Variants in TAFA1 observed in about 807,000 individuals in gnomAD.
TAFA1 encodes TAFA chemokine like family member 1.
In TAFA1, 4 loss-of-function variants were observed where a neutral mutation model predicts 18.5. The ratio of observed to expected loss-of-function variants is 0.22; its 90% CI spans 0.11 to 0.49. The LOEUF (loss-of-function observed/expected upper bound fraction) is 0.49. Ranked by LOEUF, TAFA1 falls within the 20% of genes least tolerant of loss-of-function variation. The pLI is 0.98. For synonymous variants in TAFA1, 56 were observed against 55.2 expected (o/e 1.01, Z -0.06); for missense variants, 147 against 169.0 (o/e 0.87, Z 0.72).
At chr3:68,346,718 C>T (rs901994513) in intron 2 of TAFA1, among the ~76,000 whole-genome samples, 3 of 152,208 alleles carry the variant, frequency 2.0e-5, no homozygotes, top group Admixed American at 2.0e-4. Context: ...ACTTCAGAGG[C>T]TTCAAGCGAC....
rs1324416122 is a variant in TAFA1, at chr3:68,544,973, G to T, written c.*470G>T. 6.6e-6 allele frequency: 1 copy of T among 152,334 alleles called. No individual in the cohort carries two copies. Among genetic ancestry groups the T allele is most frequent in the Non-Finnish European group, 1.5e-5 (1 of 68,024 alleles). The allele number at this position is 152,334 out of a possible 1,614,324, so 9.4% of individuals were successfully genotyped here. ...CTTTTTCTAACGGCAAGGAAGATAT[G>T]TGCCCTTTTGAGAATTCAAGATGGC... On this transcript the variant is annotated 3_prime_UTR_variant, in exon 5 of 5. Coordinates refer to ENST00000478136, the MANE Select transcript of TAFA1 (RefSeq NM_213609.4).
chr3:68,468,698 C>G (rs1185325408), intron 3 of TAFA1, among the ~76,000 whole-genome samples: 2 of 152,144 alleles, frequency 1.3e-5, no homozygotes, highest in African/African-American at 4.8e-5. Context: ...AGTATTTGTG[C>G]TCTCTGAGAC....
chr3:68,149,007 A>G (rs1364896847), intron 2 of TAFA1, among the ~76,000 whole-genome samples: 1 of 152,172 alleles, frequency 6.6e-6, no homozygotes, highest in Non-Finnish European at 1.5e-5. Context: ...TTTAGATACA[A>G]CTGCTGCTAT....
rs752828278 is a variant in TAFA1 at position 68,227,903 on chromosome 3, A to G, written c.119-189377A>G. Among the ~76,000 whole-genome samples, 33 of 152,324 alleles carry G rather than the reference A, an allele frequency of 2.2e-4. No homozygotes were observed. The South Asian group carries it at 2.3e-3, about 11-fold the overall frequency. On this transcript the variant is annotated intron_variant, in intron 2 of 4. Coordinates refer to ENST00000478136, the MANE Select transcript of TAFA1 (RefSeq NM_213609.4). ...TTATAAGTTAAAAGTGATTCCCCAGAAGGAAATCTTTTATCACTGGCCGTA... is the reference window on the plus strand; with the variant it reads ...TTATAAGTTAAAAGTGATTCCCCAGGAGGAAATCTTTTATCACTGGCCGTA...
chr3:68,140,208 G>A (rs891023632), intron 2 of TAFA1, among the ~76,000 whole-genome samples: 4 of 152,178 alleles, frequency 2.6e-5, no homozygotes, highest in African/African-American at 7.2e-5. Flanking sequence ...CAGCACTTGA[G>A]GTTGGTTATC....
chr3:68,067,295 C>G (rs80217270), intron 2 of TAFA1, among the ~76,000 whole-genome samples: 5 of 152,156 alleles, frequency 3.3e-5, no homozygotes, highest in Non-Finnish European at 5.9e-5. Flanking sequence ...TTAATCTTCT[C>G]CAGGTTAAAC....
At chr3:68,464,162 A>C (rs1403690248) in intron 3 of TAFA1, among the ~76,000 whole-genome samples, 1 of 152,142 alleles carries the variant, frequency 6.6e-6, no homozygotes, top group Admixed American at 6.6e-5. Context: ...CTGAGCACCT[A>C]CCATGTACCA....
At chr3:68,268,403 C>T (rs2067589196) in intron 2 of TAFA1, among the ~76,000 whole-genome samples, 1 of 152,080 alleles carries the variant, frequency 6.6e-6, no homozygotes, top group Non-Finnish European at 1.5e-5. Flanking sequence ...TGACTCAACT[C>T]ATTGTGGGTG....
intron 2 of TAFA1, among the ~76,000 whole-genome samples, chr3:68,378,222 C>T (rs1258568217): frequency 2.0e-5 from 3 of 152,134 alleles, no homozygotes; most frequent in African/African-American, 7.2e-5. Context: ...TGCAGGCACT[C>T]AATGCTAGCC....
At chr3:68,393,292 C>A (rs181693321) in intron 2 of TAFA1, among the ~76,000 whole-genome samples, 34 of 151,848 alleles carry the variant, frequency 2.2e-4, no homozygotes, top group African/African-American at 8.0e-4. Flanking sequence ...TACACCCTCC[C>A]AAGACTAAAT....
At chr3:68,475,407 G>GA in intron 3 of TAFA1, among the ~76,000 whole-genome samples, 1 of 151,768 alleles carries the variant, frequency 6.6e-6, no homozygotes, top group African/African-American at 2.4e-5. Context: ...AGAACATGTC[G>GA]TGTTTGGTTT....
chr3:68,027,585 A>G (rs1159819621), intron 2 of TAFA1, among the ~76,000 whole-genome samples: 3 of 152,192 alleles, frequency 2.0e-5, no homozygotes, highest in Non-Finnish European at 4.4e-5. Flanking sequence ...TGAATCTGCC[A>G]TCAGTGAAAA....
At chr3:68,072,623 G>A (rs748005301) in intron 2 of TAFA1, among the ~76,000 whole-genome samples, 9 of 152,174 alleles carry the variant, frequency 5.9e-5, no homozygotes, top group Non-Finnish European at 1.2e-4. Flanking sequence ...GGAGAGGTTA[G>A]GAAGAAGAGA....
intron 2 of TAFA1, among the ~76,000 whole-genome samples, chr3:68,156,954 C>T (rs1427245623): frequency 6.6e-6 from 1 of 152,128 alleles, no homozygotes; most frequent in Non-Finnish European, 1.5e-5. Context: ...TCGCCAATAA[C>T]CACTGTGCTT....
chr3:68,072,155 T>C (rs1559726036), intron 2 of TAFA1, among the ~76,000 whole-genome samples: 2 of 152,186 alleles, frequency 1.3e-5, no homozygotes, highest in Non-Finnish European at 2.9e-5. Context: ...ATTTTTGTGG[T>C]TGGAGGATGT....
chr3:68,138,128 C>T (rs532960695), intron 2 of TAFA1, among the ~76,000 whole-genome samples: 69 of 152,266 alleles, frequency 4.5e-4, no homozygotes, highest in African/African-American at 1.5e-3. Flanking sequence ...TAACAATCAT[C>T]GAGAGTTTCA....
chr3:68,460,614 T>G (rs1188092860), intron 3 of TAFA1, among the ~76,000 whole-genome samples: 1 of 152,188 alleles, frequency 6.6e-6, no homozygotes, highest in Admixed American at 6.5e-5. Context: ...CATCTCTCGC[T>G]CCTTCCTAAG....
chr3:68,065,959 G>T (rs950994153), intron 2 of TAFA1, among the ~76,000 whole-genome samples: 4 of 152,058 alleles, frequency 2.6e-5, no homozygotes, highest in Admixed American at 2.0e-4. Context: ...ATGGATAAAT[G>T]TCAAAATCAT....
chr3:68,412,682 C>T (rs1482216219), intron 2 of TAFA1, among the ~76,000 whole-genome samples: 1 of 152,022 alleles, frequency 6.6e-6, no homozygotes, highest in Non-Finnish European at 1.5e-5. Flanking sequence ...CAGCTTCATC[C>T]ATGTCCCTAC....
Sources: gnomAD v4.1 joint callset for allele counts (sites outside exome capture counted in the v4.1 genomes callset) on GRCh38, gnomAD v4.1.1 for gene constraint, MANE v1.5 for transcripts, NCBI Gene and HGNC (gene_info 2026-07-23, HGNC 2026-07-21) for gene names.